CARMIL1: variants seen among roughly 807,000 people sequenced by gnomAD.
The protein encoded by CARMIL1 is capping protein regulator and myosin 1 linker 1.
Under a neutral mutation model 177.1 loss-of-function variants are expected in CARMIL1, and 90 were observed. The observed-to-expected ratio is 0.51, with a 90% CI of 0.43 to 0.61. The LOEUF is 0.61. Ranked by LOEUF, CARMIL1 falls within the 20% of genes least tolerant of loss-of-function variation. The probability of loss-of-function intolerance (pLI) is 0.00; values close to 1 mark genes in which losing one functional copy is unlikely to be tolerated. For synonymous variants in CARMIL1, 577 were observed against 606.2 expected (o/e 0.95, Z 0.71); for missense variants, 1,380 against 1,667.0 (o/e 0.83, Z 3.00).
intron 2 of CARMIL1, among the ~76,000 whole-genome samples, chr6:25,368,078 G>C (rs1790029263): frequency 6.6e-6 from 1 of 152,132 alleles, no homozygotes; most frequent in South Asian, 2.1e-4. Flanking sequence ...ACCTTTCCAC[G>C]TCAGCTGAAC....
intron 35 of CARMIL1, among the ~76,000 whole-genome samples, chr6:25,608,702 A>G (rs1816226301): frequency 6.6e-6 from 1 of 152,204 alleles, no homozygotes; most frequent in African/African-American, 2.4e-5. Context: ...GCTCTGACAG[A>G]TGGTGAAGGT....
rs866596986 is a variant in CARMIL1, at chr6:25,281,134, G to A, written c.40+1299G>A. Among the ~76,000 whole-genome samples the A allele has an allele frequency of 2.6e-3, 177 of 67,934 alleles. 1 individual carries two copies. The highest frequency in any genetic ancestry group is 3.6e-3 in the Admixed American group (21 of 5,800). 44.6% of individuals were successfully genotyped at this position (67,934 alleles called of 152,430 possible). A position where few individuals can be genotyped will look rare whatever the true frequency, so the allele number is the denominator to read the frequency against. ...CACAGACGCACGCGCGTGTGCGCGC[G>A]CGCACACACACACACACACACACAC... On this transcript the variant is annotated intron_variant, in intron 1 of 36. Transcript: ENST00000329474.
intron 29 of CARMIL1, among the ~76,000 whole-genome samples, chr6:25,568,192 A>G (rs189138879): frequency 1.4e-3 from 212 of 152,366 alleles, no homozygotes; most frequent in Middle Eastern, 6.8e-3. Flanking sequence ...GATTTCTTTT[A>G]TAAATTCTTG....
chr6:25,513,315 T>C (rs778546782), intron 20 of CARMIL1, among the ~76,000 whole-genome samples: 1 of 152,212 alleles, frequency 6.6e-6, no homozygotes, highest in South Asian at 2.1e-4. Context: ...CTTACCTGTA[T>C]GTAGGATGTT....
chr6:25,405,260 T>C lies in CARMIL1; in HGVS notation c.139-14854T>C, dbSNP rs115423735. Among the ~76,000 whole-genome samples, 803 of 152,376 alleles carry C rather than the reference T, an allele frequency of 5.3e-3. 7 individuals carry two copies. The highest frequency in any genetic ancestry group is 0.012 in the African/African-American group (511 of 41,598). On this transcript the variant is annotated intron_variant, in intron 2 of 36. Coordinates refer to ENST00000329474, the MANE Select transcript of CARMIL1 (RefSeq NM_017640.6). ...AAAAATAGCTTTGCTCCCTTGAGCA[T>C]GCCCTTTCTATATGCCCTGGCTTTA...
intron 2 of CARMIL1, among the ~76,000 whole-genome samples, chr6:25,315,600 G>A (rs1784216048): frequency 6.6e-6 from 1 of 152,126 alleles, no homozygotes; most frequent in African/African-American, 2.4e-5. Context: ...TTTCCTTCCA[G>A]GCAGATTAGT....
At chr6:25,355,787 G>A (rs1004950059) in intron 2 of CARMIL1, among the ~76,000 whole-genome samples, 1 of 152,152 alleles carries the variant, frequency 6.6e-6, no homozygotes, top group Non-Finnish European at 1.5e-5. Flanking sequence ...GGTAAAAAGA[G>A]AAAACCACAT....
chr6:25,526,416 A>T (rs540094380), intron 23 of CARMIL1, among the ~76,000 whole-genome samples: 8 of 51,252 alleles, frequency 1.6e-4, no homozygotes, highest in South Asian at 5.1e-4. Context: ...CTTTGTTAAT[A>T]AAAAAATAGG....
intron 26 of CARMIL1, among the ~76,000 whole-genome samples, chr6:25,540,595 G>T (rs1808804679): frequency 6.6e-6 from 1 of 152,056 alleles, no homozygotes; most frequent in Non-Finnish European, 1.5e-5. Flanking sequence ...GGTAAGAAAA[G>T]AAACAAAAAG....
chr6:25,297,156 G>A (rs1782468650), intron 2 of CARMIL1, among the ~76,000 whole-genome samples: 2 of 152,176 alleles, frequency 1.3e-5, no homozygotes, highest in Non-Finnish European at 2.9e-5. Flanking sequence ...CCTTGGGACA[G>A]CACAAATGTT....
chr6:25,290,228 T>C (rs2744291), intron 2 of CARMIL1, among the ~76,000 whole-genome samples: 4,498 of 152,206 alleles, frequency 0.03, 205 homozygotes, highest in African/African-American at 0.097. Flanking sequence ...CCCAAGTAGC[T>C]GGGACTACAG....
chr6:25,390,352 C>T (rs1368876659), intron 2 of CARMIL1, among the ~76,000 whole-genome samples: 2 of 119,600 alleles, frequency 1.7e-5, no homozygotes, highest in African/African-American at 6.3e-5. Context: ...GACAGGGTCT[C>T]AGTCTGTCAC....
chr6:25,463,047 C>T (rs903644335), intron 8 of CARMIL1, among the ~76,000 whole-genome samples: 7 of 152,126 alleles, frequency 4.6e-5, no homozygotes, highest in Non-Finnish European at 1.0e-4. Context: ...TAGTCTCCAT[C>T]CTCCTCATGA....
intron 2 of CARMIL1, among the ~76,000 whole-genome samples, chr6:25,406,708 G>A (rs1214380222): frequency 1.3e-5 from 2 of 152,178 alleles, no homozygotes; most frequent in East Asian, 3.9e-4. Context: ...GAAACCATAT[G>A]GATGACCATC....
intron 9 of CARMIL1, among the ~76,000 whole-genome samples, chr6:25,468,516 A>G (rs1192813132): frequency 6.6e-6 from 1 of 152,208 alleles, no homozygotes; most frequent in Non-Finnish European, 1.5e-5. Context: ...GCTCCTGGAG[A>G]GCCACTGTAT....
intron 8 of CARMIL1, chr6:25,452,114 A>G: frequency 5.2e-6 from 4 of 764,602 alleles, no homozygotes; most frequent in Non-Finnish European, 9.6e-6. Context: ...AAAGTATACT[A>G]GCTGGATATA....
At chr6:25,526,478 T>C (rs1483478117) in intron 23 of CARMIL1, among the ~76,000 whole-genome samples, 10 of 151,776 alleles carry the variant, frequency 6.6e-5, no homozygotes, top group Non-Finnish European at 1.3e-4. Flanking sequence ...TCCCCTTTCC[T>C]TCCCTCTCAT....
chr6:25,302,468 T>C (rs1474149072), intron 2 of CARMIL1, among the ~76,000 whole-genome samples: 2 of 152,216 alleles, frequency 1.3e-5, no homozygotes, highest in East Asian at 3.8e-4. Flanking sequence ...CTTGAGGAGA[T>C]TGTAAACTAC....
At chr6:25,444,318 C>T (rs1798022059) in intron 5 of CARMIL1, among the ~76,000 whole-genome samples, 1 of 149,114 alleles carries the variant, frequency 6.7e-6, no homozygotes, top group African/African-American at 2.5e-5. Context: ...ACTCAAGGGA[C>T]ATTAAAAAAA....
Sources: allele counts gnomAD v4.1 joint callset (sites outside exome capture counted in the v4.1 genomes callset), GRCh38; gene constraint gnomAD v4.1.1; transcripts MANE v1.5; gene names NCBI Gene and HGNC (gene_info 2026-07-23, HGNC 2026-07-21).